The following LACTBL1 variants were observed in gnomAD, a reference collection of about 807,000 sequenced individuals.
LACTBL1 encodes lactamase beta like 1.
A neutral mutation model predicts 39.6 loss-of-function variants in LACTBL1; 29 were observed. The ratio of observed to expected loss-of-function variants is 0.73; its 90% CI spans 0.55 to 1.00. LACTBL1 has a LOEUF of 1.00. Among genes scored for constraint, LACTBL1 ranks in the 50% least tolerant of loss-of-function variants. The pLI is 0.00. For missense variants in LACTBL1, 711 were observed against 748.5 expected, an observed-to-expected ratio of 0.95 and a Z score of 0.59; for synonymous variants, 361 against 360.7, an observed-to-expected ratio of 1.00 and a Z score of -0.01.
intron 5 of LACTBL1, among the ~76,000 whole-genome samples, chr1:22,954,966 A>G (rs1001613840): frequency 6.6e-6 from 1 of 152,000 alleles, no homozygotes; most frequent in Admixed American, 6.6e-5. Flanking sequence ...TTTATTTCCA[A>G]CCTGGCAAAA....
chr1:22,953,178 G>A (rs1204786095), exon 6 of LACTBL1: 4 of 1,232,128 alleles, frequency 3.2e-6, no homozygotes, highest in Admixed American at 4.2e-5. Flanking sequence ...GCTGGGCCTC[G>A]AGCGAGAGCC....
chr1:22,968,061 C>T (rs1044859451), upstream of LACTBL1, among the ~76,000 whole-genome samples: 45 of 152,296 alleles, frequency 3.0e-4, no homozygotes, highest in African/African-American at 1.1e-3. Flanking sequence ...TATTCTTTTA[C>T]TATGTGTTTA....
chr1:22,967,045 G>A (rs1211197576), upstream of LACTBL1, among the ~76,000 whole-genome samples: 1 of 152,116 alleles, frequency 6.6e-6, no homozygotes, highest in Admixed American at 6.5e-5. Context: ...GCCAGCCTGG[G>A]CAACATAGTA....
intron 3 of LACTBL1, among the ~76,000 whole-genome samples, 191 bp downstream of exon 5, chr1:22,959,751 A>G (rs923482432): frequency 3.9e-5 from 6 of 152,182 alleles, no homozygotes; most frequent in Non-Finnish European, 8.8e-5. Flanking sequence ...GTGATGTAAC[A>G]TTGGGAACTC....
upstream of LACTBL1, among the ~76,000 whole-genome samples, chr1:22,970,173 G>C (rs997314246): frequency 6.6e-6 from 1 of 152,164 alleles, no homozygotes; most frequent in Admixed American, 6.5e-5. Context: ...ATCATCTTTG[G>C]TCATAATATT....
At chr1:22,958,581 G>C in intron 4 of LACTBL1, 104 bp downstream of exon 6, 1 of 942,452 alleles carries the variant, frequency 1.1e-6, no homozygotes, top group Middle Eastern at 3.5e-4. Flanking sequence ...GCCAGTTCAG[G>C]AAGCAGAGCC....
chr1:22,961,080 TG>T (rs1331136308), intron 2 of LACTBL1, among the ~76,000 whole-genome samples: 1 of 152,094 alleles, frequency 6.6e-6, no homozygotes. Flanking sequence ...TCACCTAGCC[TG>T]AACATTTATT....
exon 6 of LACTBL1, chr1:22,953,324 G>A: frequency 1.6e-6 from 2 of 1,225,672 alleles, no homozygotes; most frequent in Non-Finnish European, 2.0e-6. Context: ...CCGAACTGGC[G>A]CAGGCGCAGC....
the LACTBL1 span, chr1:22,972,481 G>A: frequency 6.2e-6 from 6 of 973,492 alleles, no homozygotes; most frequent in Non-Finnish European, 7.3e-6. Flanking sequence ...AAGGAGGGTA[G>A]ACGAGGATGC....
chr1:22,962,514 T>G (rs1211638579), intron 2 of LACTBL1, among the ~76,000 whole-genome samples: 5 of 152,086 alleles, frequency 3.3e-5, no homozygotes, highest in Non-Finnish European at 7.4e-5. Context: ...CAATGGTAAA[T>G]TTTGTGTTGG....
upstream of LACTBL1, among the ~76,000 whole-genome samples, chr1:22,969,648 C>T (rs964433669): frequency 4.0e-5 from 6 of 151,530 alleles, no homozygotes; most frequent in African/African-American, 1.5e-4. Context: ...CCTCCCGCAT[C>T]ATTGCCCCTC....
chr1:22,958,967 C>T, intron 3 of LACTBL1, 47 bp from the exon 6 acceptor site: 1 of 1,295,772 alleles, frequency 7.7e-7, no homozygotes. Context: ...TCCTGTTGGC[C>T]CCACAACCCA....
exon 6 of LACTBL1, chr1:22,953,947 C>T (rs977680751): frequency 1.9e-6 from 3 of 1,550,194 alleles, no homozygotes; most frequent in Non-Finnish European, 2.6e-6. Flanking sequence ...CGAGACCCAG[C>T]GCTGGTAGTC....
chr1:22,955,540 G>GT, intron 4 of LACTBL1, 114 bp from the exon 7 acceptor site: 1 of 677,196 alleles, frequency 1.5e-6, no homozygotes, highest in Non-Finnish European at 2.5e-6. Flanking sequence ...CAACAAATCA[G>GT]TTTTTTAAAA....
chr1:22,972,423 C>A, the LACTBL1 span: 3 of 984,992 alleles, frequency 3.0e-6, no homozygotes, highest in Non-Finnish European at 3.6e-6. Flanking sequence ...AAAAAGAGGT[C>A]CTGAGGGGCT....
exon 4 of LACTBL1, chr1:22,958,920 C>A (rs1640788805): frequency 6.5e-7 from 1 of 1,543,992 alleles, no homozygotes; most frequent in Non-Finnish European, 8.8e-7. Context: ...TGCTGGAGAT[C>A]CTAGATAATG....
exon 6 of LACTBL1, chr1:22,953,725 A>G: frequency 7.5e-7 from 1 of 1,336,818 alleles, no homozygotes; most frequent in Non-Finnish European, 9.6e-7. Context: ...GGGCCGCAGG[A>G]GCCGCCGGGG....
At chr1:22,967,643 A>G (rs10917335), upstream of LACTBL1, among the ~76,000 whole-genome samples, 45,754 of 151,812 alleles carry the variant, frequency 0.3, 6,974 homozygotes, top group Middle Eastern at 0.42. Context: ...ACATATATAT[A>G]TAGAGAGAGA....
At chr1:22,960,617 CAAAAAAAAAAAAA>C (rs35006759) in intron 2 of LACTBL1, among the ~76,000 whole-genome samples, 2 of 38,008 alleles carry the variant, frequency 5.3e-5, no homozygotes, top group African/African-American at 1.0e-4. Context: ...AACTCCGTCT[CAAAAAAAAAAAAA>C]AAAAAAAAAA....
Sources: gnomAD v4.1 joint callset for allele counts (sites outside exome capture counted in the v4.1 genomes callset) on GRCh38, gnomAD v4.1.1 for gene constraint, MANE v1.5 for transcripts, NCBI Gene and HGNC (gene_info 2026-07-23, HGNC 2026-07-21) for gene names.